GALNT16: variants seen among roughly 807,000 people sequenced by gnomAD.
The protein encoded by GALNT16 is UDP-GalNAc:polypeptide N-acetylgalactosaminyltransferase-like protein 1.
In GALNT16, 40 loss-of-function variants were observed where a neutral mutation model predicts 76.1. The ratio of observed to expected loss-of-function variants is 0.53; its 90% CI spans 0.41 to 0.68. GALNT16 has a LOEUF of 0.68. GALNT16 is among the 30% of genes least tolerant of loss of function. The pLI, the probability that GALNT16 is intolerant of heterozygous loss-of-function variation, is 0.00. For synonymous variants in GALNT16, 276 were observed against 285.2 expected, an observed-to-expected ratio of 0.97 and a Z score of 0.32; for missense variants, 621 against 731.9, an observed-to-expected ratio of 0.85 and a Z score of 1.75.
intron 1 of GALNT16, among the ~76,000 whole-genome samples, chr14:69,318,214 A>G (rs1303337864): frequency 1.3e-5 from 2 of 152,360 alleles, no homozygotes; most frequent in African/African-American, 4.8e-5. Flanking sequence ...TGGACCACCC[A>G]GAGAGTATGG....
intron 1 of GALNT16, among the ~76,000 whole-genome samples, chr14:69,285,150 C>T (rs1194861089): frequency 6.7e-6 from 1 of 148,816 alleles, no homozygotes; most frequent in East Asian, 2.0e-4. Flanking sequence ...ACACCATTCT[C>T]CTGCCTCAGC....
intron 4 of GALNT16, 46 bp from the exon 5 acceptor site, chr14:69,325,916 T>C (rs1206788177): frequency 6.7e-7 from 1 of 1,488,106 alleles, no homozygotes. Flanking sequence ...ACTAGTGGCC[T>C]GATGCCCATG....
intron 1 of GALNT16, among the ~76,000 whole-genome samples, chr14:69,271,195 A>G (rs1032490064): frequency 2.0e-5 from 3 of 152,142 alleles, no homozygotes; most frequent in Non-Finnish European, 2.9e-5. Flanking sequence ...TTTTTTGTAT[A>G]GCAGAGAACA....
intron 1 of GALNT16, among the ~76,000 whole-genome samples, chr14:69,267,391 A>G (rs2044354415): frequency 1.3e-5 from 2 of 152,192 alleles, no homozygotes; most frequent in Admixed American, 6.5e-5. Context: ...AAATTTGAGG[A>G]GGCATTGAGG....
chr14:69,382,709 C>T, the GALNT16 span, among the ~76,000 whole-genome samples: 2 of 150,706 alleles, frequency 1.3e-5, no homozygotes, highest in Non-Finnish European at 2.9e-5. Context: ...CGTGGTGGCG[C>T]GCACCTGTAG....
intron 11 of GALNT16, 99 bp from the exon 12 acceptor site, chr14:69,341,582 C>A: frequency 2.7e-6 from 2 of 751,960 alleles, no homozygotes; most frequent in African/African-American, 1.7e-5. Flanking sequence ...TCCTTGCCTG[C>A]CTGAGATAGT....
chr14:69,385,970 A>G, the GALNT16 span, among the ~76,000 whole-genome samples: 1 of 152,102 alleles, frequency 6.6e-6, no homozygotes, highest in African/African-American at 2.4e-5. Context: ...GACTTCAAAC[A>G]TGCTAGGCAC....
downstream of GALNT16, chr14:69,357,388 G>T (rs550834934): frequency 2.6e-5 from 4 of 152,378 alleles, no homozygotes; most frequent in Admixed American, 1.3e-4. Flanking sequence ...TACCTTGCTG[G>T]GTGGCCTGGG....
chr14:69,320,141 A>G (rs536859305), intron 1 of GALNT16, among the ~76,000 whole-genome samples: 1 of 152,362 alleles, frequency 6.6e-6, no homozygotes, highest in African/African-American at 2.4e-5. Context: ...TGGAGTCGGA[A>G]TGACCAGTTT....
At chr14:69,367,119 G>A in the GALNT16 span, among the ~76,000 whole-genome samples, 1 of 152,146 alleles carries the variant, frequency 6.6e-6, no homozygotes, top group Non-Finnish European at 1.5e-5. Context: ...AAGAAGTGTG[G>A]TCCGTACAGG....
At chr14:69,324,337 C>T (rs545993118) in intron 2 of GALNT16, among the ~76,000 whole-genome samples, 7 of 152,194 alleles carry the variant, frequency 4.6e-5, no homozygotes, top group Non-Finnish European at 1.0e-4. Flanking sequence ...GCACATACCC[C>T]CCACCATACG....
chr14:69,291,071 G>T (rs2044681767), intron 1 of GALNT16, among the ~76,000 whole-genome samples: 1 of 152,158 alleles, frequency 6.6e-6, no homozygotes, highest in Non-Finnish European at 1.5e-5. Flanking sequence ...CAGGAGAATT[G>T]CTTGAGGCCA....
In GALNT16 at chr14:69,298,519, G is replaced by A. The variant is rs148567713; in HGVS notation, c.178-22192G>A. 3.6e-3 allele frequency: 544 copies of A among 152,518 alleles called. 3 individuals are homozygous for A. Among genetic ancestry groups the A allele is most frequent in the Non-Finnish European group, 3.5e-3 (240 of 68,132 alleles). 9.4% of individuals were successfully genotyped at this position (152,518 alleles called of 1,614,324 possible). On this transcript the variant is annotated intron_variant, in intron 1 of 14. Coordinates refer to ENST00000448469, the MANE Select transcript of GALNT16 (RefSeq NM_001168368.2). ...CACAATCAGCCTCCCGTTCCCTGTC[G>A]CCACTTCCCACGTCCTCCACCATGT...
chr14:69,385,829 C>T, the GALNT16 span, among the ~76,000 whole-genome samples: 1 of 152,154 alleles, frequency 6.6e-6, no homozygotes, highest in Non-Finnish European at 1.5e-5. Context: ...TCAGTCCTCA[C>T]ATATCTGTCC....
chr14:69,370,269 C>G, the GALNT16 span, among the ~76,000 whole-genome samples: 5 of 152,206 alleles, frequency 3.3e-5, no homozygotes, highest in Admixed American at 3.3e-4. Flanking sequence ...GCCTGCCAAG[C>G]AACCAGACAA....
the GALNT16 span, among the ~76,000 whole-genome samples, chr14:69,380,920 CA>C: frequency 6.6e-6 from 1 of 152,140 alleles, no homozygotes; most frequent in African/African-American, 2.4e-5. Flanking sequence ...AGAGTATGAC[CA>C]GAAACCATGT....
At chr14:69,378,677 C>A in the GALNT16 span, among the ~76,000 whole-genome samples, 3 of 152,196 alleles carry the variant, frequency 2.0e-5, no homozygotes, top group Admixed American at 2.0e-4. Flanking sequence ...CATCTAGAAC[C>A]CAGATACTTT....
intron 1 of GALNT16, among the ~76,000 whole-genome samples, chr14:69,294,011 C>T (rs575554032): frequency 1.8e-4 from 27 of 152,242 alleles, no homozygotes; most frequent in Middle Eastern, 3.4e-3. Context: ...CTGCCTCAGC[C>T]TCCTGAGTAG....
At chr14:69,280,191 C>T (rs1188735455) in intron 1 of GALNT16, among the ~76,000 whole-genome samples, 3 of 152,170 alleles carry the variant, frequency 2.0e-5, no homozygotes, top group African/African-American at 7.2e-5. Context: ...TAAACACTAA[C>T]TCCCCATTTC....
Sources: gnomAD v4.1 joint callset for allele counts (sites outside exome capture counted in the v4.1 genomes callset) on GRCh38, gnomAD v4.1.1 for gene constraint, MANE v1.5 for transcripts, NCBI Gene and HGNC (gene_info 2026-07-23, HGNC 2026-07-21) for gene names.